Variants in OOEP observed in about 807,000 individuals in gnomAD.
OOEP encodes the protein oocyte expressed protein, also known as oocyte-expressed protein homolog.
OOEP carries 16 observed loss-of-function variants against 13.7 expected under a neutral mutation model. The observed-to-expected ratio is 1.16, with a 90% CI of 0.79 to 1.77. The LOEUF (loss-of-function observed/expected upper bound fraction) is 1.77. Ranked by LOEUF, OOEP falls within the 40% of genes most tolerant of loss-of-function variation. The pLI is 0.00. For missense variants in OOEP, 195 were observed against 193.1 expected (o/e 1.01, Z -0.06); for synonymous variants, 89 against 77.1 (o/e 1.15, Z -0.81).
rs768361697 is a variant in OOEP at position 73,369,683 on chromosome 6, C to T, written c.110G>A (p.Arg37Gln). The T allele has an allele frequency of 1.9e-6, 3 of 1,613,924 alleles. No homozygotes were observed. Among genetic ancestry groups the T allele is most frequent in the Admixed American group, 1.7e-5 (1 of 60,016 alleles). The change falls in exon 1 of 3, where the codon CGG becomes CAG. Residue 37 changes from arginine to glutamine, a missense_variant. Coordinates refer to ENST00000370359, the MANE Select transcript of OOEP (RefSeq NM_001080507.3). ...TTCCTGCACCGGAAACCACCAGGGC[C>T]GGATGCGAATCTGTGGCGGCGGAAG... Reference protein sequence around the residue: ...LPLPPPQIRIRPWWFPVQELR... With the variant: ...LPLPPPQIRIQPWWFPVQELR...
At chr6:73,379,668 T>A (rs564989085) in intron 2 of OOEP, among the ~76,000 whole-genome samples, 2 of 137,380 alleles carry the variant, frequency 1.5e-5, no homozygotes, top group Admixed American at 1.5e-4. Flanking sequence ...AAAAGTGGCC[T>A]TATTTTACAT....
upstream of OOEP, chr6:73,370,021 A>G: frequency 3.6e-6 from 2 of 560,844 alleles, no homozygotes; most frequent in Non-Finnish European, 6.4e-6. Flanking sequence ...TTTGACCTTG[A>G]ACTAGTATTC....
chr6:73,376,605 T>A (rs901886742), intron 2 of OOEP, among the ~76,000 whole-genome samples: 5 of 152,068 alleles, frequency 3.3e-5, no homozygotes, highest in African/African-American at 1.2e-4. Flanking sequence ...CCAGAGTAGC[T>A]GGGATTACAG....
chr6:73,392,494 G>C (rs1053758078), intron 2 of OOEP, among the ~76,000 whole-genome samples: 2 of 151,862 alleles, frequency 1.3e-5, no homozygotes, highest in Non-Finnish European at 2.9e-5. Context: ...AGTAGAGATG[G>C]GGTTTCACCA....
chr6:73,372,084 G>A (rs1769066307), upstream of OOEP, among the ~76,000 whole-genome samples: 1 of 152,018 alleles, frequency 6.6e-6, no homozygotes, highest in South Asian at 2.1e-4. Flanking sequence ...CTCCTGCTTG[G>A]GTGACAGAGC....
intron 2 of OOEP, among the ~76,000 whole-genome samples, chr6:73,388,982 T>C (rs931042399): frequency 4.0e-5 from 6 of 151,814 alleles, no homozygotes; most frequent in Non-Finnish European, 7.4e-5. Context: ...CAAACCCACA[T>C]TGGGGGTACT....
upstream of OOEP, chr6:73,373,404 G>A (rs2150779547): frequency 9.6e-6 from 8 of 831,664 alleles, no homozygotes; most frequent in South Asian, 9.1e-5. Context: ...AGCTCACTGG[G>A]TAGCTGAGGC....
chr6:73,376,503 G>A (rs2150780362), intron 2 of OOEP, among the ~76,000 whole-genome samples: 1 of 138,784 alleles, frequency 7.2e-6, no homozygotes, highest in African/African-American at 2.6e-5. Flanking sequence ...ATTTGAGACG[G>A]AGTCTGTTGC....
At chr6:73,376,257 T>C (rs1769135513) in intron 2 of OOEP, among the ~76,000 whole-genome samples, 1 of 152,072 alleles carries the variant, frequency 6.6e-6, no homozygotes, top group Admixed American at 6.6e-5. Flanking sequence ...TTTGTTTTTC[T>C]TTTTTCGTTT....
In OOEP at chr6:73,369,593, G is replaced by A. The variant is rs1375947382; in HGVS notation, c.190+10C>T. 1.4e-5 allele frequency: 23 copies of A among 1,611,826 alleles called. No homozygotes were observed. Among genetic ancestry groups the A allele is most frequent in the Non-Finnish European group, 1.9e-5 (22 of 1,178,332 alleles). The stretch of plus-strand genomic sequence containing the variant: ...GTGGACAGCCCACTAGCACACCTGG[G>A]GTCGCTCACCAAAGAGCTCGTCTGC... On this transcript the variant is annotated intron_variant, in intron 1 of 2. Coordinates refer to ENST00000370359, the MANE Select transcript of OOEP (RefSeq NM_001080507.3).
rs1769425281 is a variant in OOEP, at chr6:73,394,787, C to T, written c.-187G>A. On this transcript the variant is annotated 5_prime_UTR_variant, in exon 1 of 4. Transcript: ENST00000370363. ...AGAGCGTGGGCGGGGGGGCTAGCCT[C>T]GTGCGGGCTCCTTAAGTAGCGGCTG... The T allele has an allele frequency of 2.8e-6, 4 of 1,441,676 alleles. No homozygotes were observed. The East Asian group carries it at 6.9e-5, about 25-fold the overall frequency. The allele number at this position is 1,441,676 out of a possible 1,614,324, so 89.3% of individuals were successfully genotyped here. A position where few individuals can be genotyped will look rare whatever the true frequency, so the allele number is the denominator to read the frequency against.
At chr6:73,388,906 T>A (rs2150783359) in intron 2 of OOEP, among the ~76,000 whole-genome samples, 1 of 151,928 alleles carries the variant, frequency 6.6e-6, no homozygotes, top group African/African-American at 2.4e-5. Context: ...TGTGGCTCCT[T>A]GCCTGGCGGA....
intron 1 of OOEP, chr6:73,394,707 C>A: frequency 1.3e-6 from 1 of 757,860 alleles, no homozygotes; most frequent in South Asian, 1.9e-5. Flanking sequence ...AAGTCCCGCC[C>A]ACAACGCTCA....
Position 73,381,351 on chromosome 6 carries a change from G to A in OOEP, c.26-11966C>T, listed in dbSNP as rs534501575. Among the ~76,000 whole-genome samples the A allele has an allele frequency of 2.6e-5, 4 of 152,282 alleles. No individual in the cohort carries two copies. The South Asian group carries it at 8.3e-4, about 32-fold the overall frequency. On this transcript the variant is annotated intron_variant, in intron 2 of 3. Transcript: ENST00000370363. ...GGAATTCAGGCTACTTGGATTTCAG[G>A]CTGAGTCTTTGAGGTATGCCTTCAG...
chr6:73,372,149 C>T (rs964703188), upstream of OOEP, among the ~76,000 whole-genome samples: 1 of 152,148 alleles, frequency 6.6e-6, no homozygotes, highest in African/African-American at 2.4e-5. Context: ...TCATGAGACG[C>T]ACTTACATTA....
At position 73,382,214 on chromosome 6, in the gene OOEP, A is replaced by ATTTT. The variant is rs70994196; in HGVS notation, c.25+12128_25+12131dup. On this transcript the variant is annotated intron_variant, in intron 2 of 3. Coordinates refer to the OOEP transcript ENST00000370363. ...AGGCATGCACTACCACACCTGGCTA[A>ATTTT]TTTTTTTTTTTTTTTTTTTTTGAGA... is the stretch of plus-strand genomic sequence containing the variant. Among the ~76,000 whole-genome samples, 39 of 98,076 alleles carry ATTTT rather than the reference A, an allele frequency of 4.0e-4. 1 individual carries two copies. Among genetic ancestry groups the ATTTT allele is most frequent in the East Asian group, 2.2e-3 (7 of 3,116 alleles). 64.3% of individuals were successfully genotyped at this position (98,076 alleles called of 152,430 possible).
intron 2 of OOEP, among the ~76,000 whole-genome samples, chr6:73,386,435 C>CA (rs139643927): frequency 0.35 from 52,787 of 151,684 alleles, 9,572 homozygotes; most frequent in South Asian, 0.51. Flanking sequence ...AGGAATCCAC[C>CA]AAAAAATAAA....
chr6:73,381,907 G>C (rs1769214357), intron 2 of OOEP, among the ~76,000 whole-genome samples: 1 of 152,044 alleles, frequency 6.6e-6, no homozygotes, highest in East Asian at 1.9e-4. Flanking sequence ...CTTGAACCCG[G>C]GAGGCAGAGG....
intron 2 of OOEP, among the ~76,000 whole-genome samples, chr6:73,380,587 A>G (rs753098744): frequency 7.9e-5 from 12 of 152,230 alleles, no homozygotes; most frequent in Non-Finnish European, 1.8e-4. Flanking sequence ...CCATTTATAT[A>G]AAGTTCAGAA....
Sources: allele counts gnomAD v4.1 joint callset (sites outside exome capture counted in the v4.1 genomes callset), GRCh38; gene constraint gnomAD v4.1.1; transcripts MANE v1.5; gene names NCBI Gene and HGNC (gene_info 2026-07-23, HGNC 2026-07-21).